The following SAMD8 variants were observed in gnomAD, a reference collection of about 807,000 sequenced individuals.
SAMD8 encodes sterile alpha motif domain containing 8.
In SAMD8, 20 loss-of-function variants were observed where a neutral mutation model predicts 42.0. The ratio of observed to expected loss-of-function variants is 0.48; its 90% confidence interval spans 0.34 to 0.69. The LOEUF is 0.69. Ranked by LOEUF, SAMD8 falls within the 30% of genes least tolerant of loss-of-function variation. The pLI is 0.01. For missense variants in SAMD8, 328 were observed against 511.6 expected (o/e 0.64, Z 3.46); for synonymous variants, 162 against 173.0 (o/e 0.94, Z 0.50).
intron 1 of SAMD8, among the ~76,000 whole-genome samples, chr10:75,106,239 G>T (rs1848501372): frequency 6.6e-6 from 1 of 151,580 alleles, no homozygotes; most frequent in South Asian, 2.1e-4. Context: ...ACCGCTCCTG[G>T]CCTCCAAACC....
rs60024591 is a variant in SAMD8 at position 75,148,346 on chromosome 10, CTTTTTTTTT to C, written c.-15-2151_-15-2143del. Among the ~76,000 whole-genome samples the C allele has an allele frequency of 6.0e-3, 492 of 82,564 alleles. 13 individuals are homozygous for C. The East Asian group carries it at 0.066, about 11-fold the overall frequency. The allele number at this position is 82,564 out of a possible 152,430, so 54.2% of individuals were successfully genotyped here. A position where few individuals can be genotyped will look rare whatever the true frequency, so the allele number is the denominator to read the frequency against. Reference sequence around the variant, plus strand: ...GGGAAAGAATGCAGAGCAATACCAGCTTTTTTTTTTTTTTTTTTTTTTTTTGAGACAGAG... The same window carrying C: ...GGGAAAGAATGCAGAGCAATACCAGCTTTTTTTTTTTTTTTTGAGACAGAG... On this transcript the variant is annotated intron_variant, in intron 1 of 5. Coordinates refer to ENST00000542569, the MANE Select transcript of SAMD8 (RefSeq NM_001174156.2).
At chr10:75,108,192 C>A, upstream of SAMD8, 1 of 1,606,094 alleles carries the variant, frequency 6.2e-7, no homozygotes, top group Non-Finnish European at 8.5e-7. Context: ...CAGCTCAAAG[C>A]GGTTGTTTGC....
chr10:75,124,159 G>A (rs891853303), intron 1 of SAMD8, among the ~76,000 whole-genome samples: 1 of 152,096 alleles, frequency 6.6e-6, no homozygotes, highest in Non-Finnish European at 1.5e-5. Flanking sequence ...GCTCACTACT[G>A]TGTTGTTCCT....
intron 2 of SAMD8, among the ~76,000 whole-genome samples, chr10:75,162,295 G>A (rs1205297640): frequency 6.6e-6 from 1 of 152,168 alleles, no homozygotes; most frequent in Non-Finnish European, 1.5e-5. Flanking sequence ...GGAGGTGGAG[G>A]TTGCAATGAG....
chr10:75,104,076 T>C (rs1347361192), intron 1 of SAMD8: 2 of 1,357,372 alleles, frequency 1.5e-6, no homozygotes, highest in Non-Finnish European at 2.0e-6. Context: ...CAGAGCCCCA[T>C]GGCAGGGAGT....
chr10:75,156,988 G>A (rs1840425110), intron 2 of SAMD8, among the ~76,000 whole-genome samples: 1 of 152,062 alleles, frequency 6.6e-6, no homozygotes, highest in Non-Finnish European at 1.5e-5. Context: ...TGTTCCTAGA[G>A]AAACAAAGGG....
chr10:75,150,373 C>A, intron 1 of SAMD8, 141 bp from the exon 2 acceptor site: 1 of 1,379,664 alleles, frequency 7.2e-7, no homozygotes, highest in Non-Finnish European at 9.5e-7. Context: ...CCTCCCAACT[C>A]AGCCTCCCAA....
At chr10:75,124,992 G>A (rs895666361) in intron 1 of SAMD8, among the ~76,000 whole-genome samples, 5 of 151,796 alleles carry the variant, frequency 3.3e-5, no homozygotes, top group African/African-American at 1.2e-4. Flanking sequence ...TCACGATGTT[G>A]CCCAGGCTGG....
intron 2 of SAMD8, among the ~76,000 whole-genome samples, chr10:75,152,579 A>G (rs1186331075): frequency 6.7e-6 from 1 of 148,754 alleles, no homozygotes; most frequent in Non-Finnish European, 1.5e-5. Flanking sequence ...TAGGCCAGGC[A>G]TGGTGGCTCA....
At chr10:75,103,106 G>A (rs180830133) in intron 1 of SAMD8, among the ~76,000 whole-genome samples, 5 of 152,318 alleles carry the variant, frequency 3.3e-5, no homozygotes, top group African/African-American at 1.2e-4. Flanking sequence ...AGCAACTGGA[G>A]TGAGACCCTC....
intron 4 of SAMD8, among the ~76,000 whole-genome samples, chr10:75,175,617 C>T (rs971437803): frequency 6.6e-5 from 10 of 151,966 alleles, no homozygotes; most frequent in Non-Finnish European, 8.8e-5. Context: ...GGCGCGATCT[C>T]GGCTCCCTGC....
intron 1 of SAMD8, among the ~76,000 whole-genome samples, chr10:75,141,369 GA>G (rs1255658071): frequency 6.7e-6 from 1 of 149,256 alleles, no homozygotes; most frequent in Non-Finnish European, 1.5e-5. Context: ...AAAAAAAAAA[GA>G]AAGGAAGACA....
chr10:75,176,299 G>T lies in SAMD8; in HGVS notation c.943+83G>T. The stretch of plus-strand genomic sequence containing the variant: ...TGGGAAGGGTGTCAGATCCTGTGAA[G>T]AATGGCAAAACAGCCTGACCTGAGA... On this transcript the variant is annotated intron_variant, in intron 5 of 5. Transcript: ENST00000542569. This position sits in a 1 kb window ranked among gnomAD's most constrained non-coding sequence, Gnocchi z 4.3. 1 of 1,607,660 alleles carries T rather than the reference G, an allele frequency of 6.2e-7. No homozygotes were observed. The highest frequency in any genetic ancestry group is 1.7e-5 in the Admixed American group (1 of 59,460).
At chr10:75,115,442 C>T (rs755778578) in intron 1 of SAMD8, among the ~76,000 whole-genome samples, 2 of 152,184 alleles carry the variant, frequency 1.3e-5, no homozygotes, top group Non-Finnish European at 2.9e-5. Flanking sequence ...TGTTTACATG[C>T]TACCGCTGTT....
chr10:75,176,338 A>G lies in SAMD8; in HGVS notation c.944-50A>G. ...CCTGACCTGAGAAACGTGACTGAGA[A>G]GCATTGGAAGGAATGTAGCTTTAAA... On this transcript the variant is annotated intron_variant, in intron 5 of 5. Coordinates refer to ENST00000542569, the MANE Select transcript of SAMD8 (RefSeq NM_001174156.2). This position sits in a 1 kb window ranked among gnomAD's most constrained non-coding sequence, Gnocchi z 4.3. 6.3e-7 allele frequency: 1 copy of G among 1,589,948 alleles called. No individual in the cohort carries two copies.
chr10:75,105,118 G>A (rs529031315), intron 1 of SAMD8, among the ~76,000 whole-genome samples: 23 of 152,182 alleles, frequency 1.5e-4, no homozygotes, highest in Non-Finnish European at 1.9e-4. Context: ...GGGAGCCACC[G>A]TGGAGGCCTG....
chr10:75,115,286 C>A (rs1324658313), intron 1 of SAMD8, among the ~76,000 whole-genome samples: 1 of 152,090 alleles, frequency 6.6e-6, no homozygotes, highest in East Asian at 1.9e-4. Flanking sequence ...AATAGTAGGG[C>A]AAGAACAGAG....
upstream of SAMD8, among the ~76,000 whole-genome samples, chr10:75,111,182 A>C (rs1316223997): frequency 1.3e-5 from 2 of 152,222 alleles, no homozygotes; most frequent in Non-Finnish European, 2.9e-5. Flanking sequence ...TAAATGGGCA[A>C]TAAATTATAA....
chr10:75,117,456 T>C (rs1416186658), intron 1 of SAMD8, among the ~76,000 whole-genome samples: 1 of 151,340 alleles, frequency 6.6e-6, no homozygotes, highest in Non-Finnish European at 1.5e-5. Context: ...GGCTCACACC[T>C]GTAATCCTAG....
Sources: gnomAD v4.1 joint callset for allele counts (sites outside exome capture counted in the v4.1 genomes callset) on GRCh38, gnomAD v4.1.1 for gene constraint, Gnocchi (gnomAD v3.1) non-coding constraint, MANE v1.5 for transcripts, NCBI Gene and HGNC (gene_info 2026-07-23, HGNC 2026-07-21) for gene names.